Variants in LARGE1 observed in about 807,000 individuals in gnomAD.
LARGE1 encodes xylosyl- and glucuronyltransferase LARGE1.
A neutral mutation model predicts 87.6 loss-of-function variants in LARGE1; 43 were observed. The ratio of observed to expected loss-of-function variants is 0.49; its 90% confidence interval spans 0.38 to 0.63. LARGE1 has a LOEUF of 0.63. Ranked by LOEUF, LARGE1 falls within the 30% of genes least tolerant of loss-of-function variation. LARGE1 has a pLI of 0.00. For missense variants in LARGE1, 802 were observed against 1,000.2 expected (o/e 0.80, Z 2.67); for synonymous variants, 434 against 394.6 (o/e 1.10, Z -1.18).
intron 6 of LARGE1, among the ~76,000 whole-genome samples, chr22:33,552,434 C>T (rs971712183): frequency 8.7e-5 from 13 of 150,124 alleles, no homozygotes; most frequent in African/African-American, 1.7e-4. Context: ...TATCTCAACA[C>T]GGGAGACACA....
At chr22:33,742,133 CG>C (rs1396313556) in intron 2 of LARGE1, among the ~76,000 whole-genome samples, 1 of 152,178 alleles carries the variant, frequency 6.6e-6, no homozygotes, top group Non-Finnish European at 1.5e-5. Context: ...GGAGACAAGA[CG>C]GTGAGCCCTG....
intron 7 of LARGE1, among the ~76,000 whole-genome samples, chr22:33,417,355 T>A (rs2066536038): frequency 6.6e-6 from 1 of 152,226 alleles, no homozygotes; most frequent in Non-Finnish European, 1.5e-5. Flanking sequence ...CCATTTCTAA[T>A]CACCAGTGTG....
intron 9 of LARGE1, among the ~76,000 whole-genome samples, chr22:33,367,470 T>G (rs2064639422): frequency 6.6e-6 from 1 of 152,200 alleles, no homozygotes; most frequent in African/African-American, 2.4e-5. Flanking sequence ...CAGGCTGTAG[T>G]ACGGTGGTGC....
downstream of LARGE1, among the ~76,000 whole-genome samples, chr22:33,269,624 T>C (rs1322019898): frequency 6.6e-6 from 1 of 152,196 alleles, no homozygotes; most frequent in Admixed American, 6.5e-5. Context: ...CTGGCCTCAT[T>C]GATCAGATGG....
the LARGE1 span, among the ~76,000 whole-genome samples, chr22:33,114,470 C>T: frequency 2.0e-5 from 3 of 152,096 alleles, no homozygotes; most frequent in African/African-American, 7.2e-5. Context: ...ATGCTTATGC[C>T]CATGTTTAGT....
chr22:33,898,751 T>C (rs1342765068), intron 1 of LARGE1, among the ~76,000 whole-genome samples: 1 of 152,182 alleles, frequency 6.6e-6, no homozygotes, highest in Non-Finnish European at 1.5e-5. Flanking sequence ...CAAAACTCCA[T>C]TTCAAAAACA....
At chr22:33,318,084 A>G (rs919439047) in intron 10 of LARGE1, among the ~76,000 whole-genome samples, 1 of 151,908 alleles carries the variant, frequency 6.6e-6, no homozygotes, top group Non-Finnish European at 1.5e-5. Flanking sequence ...AAAACACAAA[A>G]AATTAGCCGG....
rs573352228 is a variant in LARGE1 at position 33,541,133 on chromosome 22, T to C, written c.787+23715A>G. On this transcript the variant is annotated intron_variant, in intron 6 of 14. Transcript: ENST00000397394. ...AGATTGAGGCTGTAGTGAGCCGTGATTGTGCCACTGCACTCCAGCCTGGGC... is the reference window on the plus strand; with the variant it reads ...AGATTGAGGCTGTAGTGAGCCGTGACTGTGCCACTGCACTCCAGCCTGGGC... Among the ~76,000 whole-genome samples the C allele has an allele frequency of 1.4e-3, 188 of 137,880 alleles. 1 individual carries two copies. The highest frequency in any genetic ancestry group is 4.9e-3 in the African/African-American group (171 of 35,234). The allele number at this position is 137,880 out of a possible 152,430, so 90.5% of individuals were successfully genotyped here.
the LARGE1 span, among the ~76,000 whole-genome samples, chr22:33,104,901 TTCTTTCTTTCTTTCTTTCTTTCTTTC>T: frequency 2.2e-5 from 1 of 44,852 alleles, no homozygotes; most frequent in Non-Finnish European, 6.3e-5. Context: ...CTTTCTTTCT[TTCTTTCTTTCTTTCTTTCTTTCTTTC>T]TTTCTTTCTT....
At chr22:33,546,355 T>C (rs954229196) in intron 6 of LARGE1, among the ~76,000 whole-genome samples, 4 of 152,140 alleles carry the variant, frequency 2.6e-5, no homozygotes, top group African/African-American at 9.7e-5. Context: ...TTTGTTCCCC[T>C]TTTCCCAGGT....
rs538981251 is a variant in LARGE1, at chr22:33,419,468, GT to G, written c.892+12692del. ...CACGCCTGCTTGGTGGCCTTTGCAC[GT>G]GCCGTCCTCTCTATCTGGGATGCTC... On this transcript the variant is annotated intron_variant, in intron 7 of 14. Transcript: ENST00000397394. 1.5e-3 allele frequency among the ~76,000 whole-genome samples: 235 copies of G among 152,136 alleles called. 1 individual carries two copies. The highest frequency in any genetic ancestry group is 5.5e-3 in the African/African-American group (228 of 41,516).
chr22:33,695,799 C>A (rs1457873216), intron 2 of LARGE1, among the ~76,000 whole-genome samples: 1 of 152,122 alleles, frequency 6.6e-6, no homozygotes, highest in African/African-American at 2.4e-5. Context: ...TTTGACAATG[C>A]ATACTCCTAT....
At chr22:33,411,909 G>T (rs1180126468) in intron 7 of LARGE1, among the ~76,000 whole-genome samples, 1 of 152,168 alleles carries the variant, frequency 6.6e-6, no homozygotes, top group African/African-American at 2.4e-5. Flanking sequence ...TATATACAGA[G>T]AAATAGATAA....
At chr22:33,262,337 G>C (rs893001349) in intron 11 of LARGE1, among the ~76,000 whole-genome samples, 2 of 152,182 alleles carry the variant, frequency 1.3e-5, no homozygotes, top group African/African-American at 4.8e-5. Context: ...GGAGTACACG[G>C]AACAGTTAGG....
At chr22:33,827,592 C>T (rs920890196) in intron 1 of LARGE1, among the ~76,000 whole-genome samples, 1 of 152,210 alleles carries the variant, frequency 6.6e-6, no homozygotes, top group African/African-American at 2.4e-5. Flanking sequence ...ACAATACGAA[C>T]TCACATCTGT....
At chr22:33,378,702 C>T (rs117810213) in intron 9 of LARGE1, among the ~76,000 whole-genome samples, 1 of 152,216 alleles carries the variant, frequency 6.6e-6, no homozygotes, top group East Asian at 1.9e-4. Flanking sequence ...TAGCTGGGTC[C>T]CTATAATTTA....
chr22:33,343,061 C>G (rs990903919), intron 9 of LARGE1, among the ~76,000 whole-genome samples: 4 of 152,152 alleles, frequency 2.6e-5, no homozygotes, highest in African/African-American at 9.7e-5. Context: ...TTGCACCAAC[C>G]TAAATAGCTA....
chr22:33,579,578 C>T (rs1356975240), intron 5 of LARGE1, among the ~76,000 whole-genome samples: 1 of 152,176 alleles, frequency 6.6e-6, no homozygotes, highest in South Asian at 2.1e-4. Context: ...CCTGCTGCAG[C>T]CCCAGCCCAG....
chr22:33,699,490 T>C (rs1229576911), intron 2 of LARGE1, among the ~76,000 whole-genome samples: 5 of 152,216 alleles, frequency 3.3e-5, no homozygotes, highest in Non-Finnish European at 7.3e-5. Context: ...AAGTGTCGTC[T>C]TCACAGGATT....
Sources: gnomAD v4.1 joint callset for allele counts (sites outside exome capture counted in the v4.1 genomes callset) on GRCh38, gnomAD v4.1.1 for gene constraint, MANE v1.5 for transcripts, NCBI Gene and HGNC (gene_info 2026-07-23, HGNC 2026-07-21) for gene names.